RPL26L1: variants seen among roughly 807,000 people sequenced by gnomAD.
The protein encoded by RPL26L1 is ribosomal protein L26 like 1.
RPL26L1 carries 8 observed loss-of-function variants against 15.2 expected under a neutral mutation model. The observed-to-expected ratio is 0.53, with a 90% CI of 0.31 to 0.95. The LOEUF is 0.95. Ranked by LOEUF, RPL26L1 falls within the 40% of genes least tolerant of loss-of-function variation. The pLI, the probability that RPL26L1 is intolerant of heterozygous loss-of-function variation, is 0.05. For synonymous variants in RPL26L1, 51 were observed against 65.9 expected (o/e 0.77, Z 1.09); for missense variants, 146 against 190.9 (o/e 0.76, Z 1.39).
upstream of RPL26L1, chr5:172,956,105 A>C (rs1581599465): frequency 6.6e-6 from 1 of 152,348 alleles, no homozygotes; most frequent in Non-Finnish European, 1.5e-5. Flanking sequence ...ATGTAATTTT[A>C]ATTACACAAA....
rs1755165390 is a variant in RPL26L1 at position 172,959,997 on chromosome 5, T to G, written c.124T>G (p.Tyr42Asp). The G allele has an allele frequency of 1.2e-6, 2 of 1,614,146 alleles. No individual in the cohort carries two copies. Among genetic ancestry groups the G allele is most frequent in the East Asian group, 4.5e-5 (2 of 44,882 alleles). The change falls in exon 2 of 4, where the codon TAC (tyrosine) becomes GAC (aspartate). Residue 42 changes from tyrosine to aspartate, a missense_variant. By Grantham distance (160) the Tyr-to-Asp change is radical (BLOSUM62 -3). Transcript: ENST00000265100. ...GCTCTCCAAGGAGCTGCGGCAGAAG[T>G]ACAATGTCCGCTCCATGCCCATCCG... ...SPLSKELRQK[Y>D]NVRSMPIRKD...
chr5:172,965,913 A>G (rs771727123), intron 2 of RPL26L1, among the ~76,000 whole-genome samples: 7 of 152,076 alleles, frequency 4.6e-5, no homozygotes, highest in Non-Finnish European at 7.4e-5. Context: ...TTCCAAACTA[A>G]ACTATTTCCT....
upstream of RPL26L1, among the ~76,000 whole-genome samples, chr5:172,954,173 T>C (rs1305458222): frequency 6.6e-6 from 1 of 152,222 alleles, no homozygotes; most frequent in Non-Finnish European, 1.5e-5. Context: ...GAAATGAACC[T>C]AGTAAAACTA....
At chr5:172,957,346 A>G (rs1755008784), upstream of RPL26L1, 1 of 451,358 alleles carries the variant, frequency 2.2e-6, no homozygotes, top group Non-Finnish European at 4.5e-6. Context: ...ACAAAGCAAA[A>G]AGCCTTCCCT....
At chr5:172,960,558 CAG>C (rs1242106970) in intron 2 of RPL26L1, among the ~76,000 whole-genome samples, 1 of 151,904 alleles carries the variant, frequency 6.6e-6, no homozygotes, top group African/African-American at 2.4e-5. Flanking sequence ...GATTGATGGA[CAG>C]AGATTTGTGG....
At chr5:172,958,355 G>A (rs1400082564), upstream of RPL26L1, 10 of 455,832 alleles carry the variant, frequency 2.2e-5, no homozygotes, top group African/African-American at 1.6e-4. Context: ...TAAACTAAGA[G>A]AGAGCACGGG....
Position 172,966,300 on chromosome 5 carries a change from T to C in RPL26L1, c.169-2159T>C, listed in dbSNP as rs1755447056. ...CTGGGATCATAGGCGCATGCCACCA[T>C]GTCTGGCTAACTATTTTTTTTTTTT... On this transcript the variant is annotated intron_variant, in intron 2 of 3. Transcript: ENST00000265100. Among the ~76,000 whole-genome samples the C allele has an allele frequency of 2.0e-5, 3 of 148,834 alleles. No homozygotes were observed. The South Asian group carries it at 6.4e-4, about 32-fold the overall frequency.
intron 2 of RPL26L1, among the ~76,000 whole-genome samples, chr5:172,960,748 G>A (rs925581398): frequency 8.9e-5 from 13 of 145,904 alleles, no homozygotes; most frequent in Admixed American, 6.6e-4. Flanking sequence ...AGTGAAATAA[G>A]CAGGGGCTAG....
At chr5:172,960,225 A>G (rs770470661) in intron 2 of RPL26L1, among the ~76,000 whole-genome samples, 184 bp downstream of exon 2, 5 of 152,354 alleles carry the variant, frequency 3.3e-5, no homozygotes, top group Middle Eastern at 3.4e-3. Flanking sequence ...GCATTTAATT[A>G]TTTAATAGTA....
Position 172,959,873 on chromosome 5 carries a change from C to G in RPL26L1, c.-1C>G, listed in dbSNP as rs904315504. ...CTCTCCGCCCTTTGTAGAGGGTCAC[C>G]ATGAAGTTCAATCCCTTCGTTACCT... On this transcript the variant is annotated 5_prime_UTR_variant, in exon 2 of 4. Coordinates refer to ENST00000265100, the MANE Select transcript of RPL26L1 (RefSeq NM_016093.4). The G allele has an allele frequency of 3.1e-6, 5 of 1,613,980 alleles. No individual in the cohort carries two copies. Among genetic ancestry groups the G allele is most frequent in the Non-Finnish European group, 4.2e-6 (5 of 1,180,000 alleles).
At chr5:172,957,628 T>C (rs1217722832), upstream of RPL26L1, 3 of 243,226 alleles carry the variant, frequency 1.2e-5, no homozygotes, top group Non-Finnish European at 2.5e-5. Flanking sequence ...AGTGAGTGAA[T>C]GAATGAGTGA....
chr5:172,960,119 C>T lies in RPL26L1; in HGVS notation c.168+78C>T, dbSNP rs546888227. 10 of 1,537,066 alleles carry T rather than the reference C, an allele frequency of 6.5e-6. No homozygotes were observed. In the East Asian group the frequency reaches 1.3e-4, roughly 21 times the overall value. On this transcript the variant is annotated intron_variant, in intron 2 of 3. Transcript: ENST00000265100. The stretch of plus-strand genomic sequence containing the variant: ...CATGCGTGGAGCAGTCACAGACTCA[C>T]ATGCCTCAGGACTCTGGAAAGTAGT...
intron 2 of RPL26L1, among the ~76,000 whole-genome samples, chr5:172,965,497 C>T (rs1755418379): frequency 6.6e-6 from 1 of 152,194 alleles, no homozygotes; most frequent in Admixed American, 6.6e-5. Flanking sequence ...TCACCTGGTA[C>T]ACTCATCACT....
Position 172,964,281 on chromosome 5 carries a change from C to CCTTTTTTTTTTTTT in RPL26L1, c.169-4178_169-4177insCTTTTTTTTTTTTT, listed in dbSNP as rs1402885653. Among the ~76,000 whole-genome samples the CCTTTTTTTTTTTTT allele has an allele frequency of 1.0e-3, 104 of 99,234 alleles. 27 individuals carry two copies. Among genetic ancestry groups the CCTTTTTTTTTTTTT allele is most frequent in the South Asian group, 1.6e-3 (5 of 3,154 alleles). The allele number at this position is 99,234 out of a possible 152,430, so 65.1% of individuals were successfully genotyped here. On this transcript the variant is annotated intron_variant, in intron 2 of 3. Coordinates refer to ENST00000265100, the MANE Select transcript of RPL26L1 (RefSeq NM_016093.4). ...TGAGCCACAGTGTCTGGCCTGTTGC[C>CCTTTTTTTTTTTTT]TTTTTTTTTTTTTTTTTTTTTGAGA... is the stretch of plus-strand genomic sequence containing the variant.
chr5:172,961,610 C>G (rs1267868275), intron 2 of RPL26L1, among the ~76,000 whole-genome samples: 1 of 152,226 alleles, frequency 6.6e-6, no homozygotes, highest in Non-Finnish European at 1.5e-5. Context: ...AGTCTATTCC[C>G]TGTCCCCACT....
At chr5:172,954,654 G>A (rs367823365), upstream of RPL26L1, 62 of 261,858 alleles carry the variant, frequency 2.4e-4, no homozygotes, top group East Asian at 3.2e-3. Context: ...GACAGAGAAC[G>A]GAACAACTGA....
chr5:172,968,666 G>A, intron 3 of RPL26L1, 67 bp downstream of exon 3: 1 of 1,594,394 alleles, frequency 6.3e-7, no homozygotes, highest in Admixed American at 1.7e-5. Context: ...AGTTATTGGT[G>A]TTTTGGTACT....
At chr5:172,959,563 C>T (rs985641270) in intron 1 of RPL26L1, 95 bp downstream of exon 1, 33 of 1,187,788 alleles carry the variant, frequency 2.8e-5, no homozygotes, top group Non-Finnish European at 3.4e-5. Context: ...CCCCACAGCT[C>T]TCTTTGAGTG....
chr5:172,958,888 G>C (rs985323914), upstream of RPL26L1: 1 of 154,650 alleles, frequency 6.5e-6, no homozygotes, highest in Non-Finnish European at 1.4e-5. Flanking sequence ...CCACAAACCC[G>C]CAGGCACGCC....
Sources: gnomAD v4.1 joint callset for allele counts (sites outside exome capture counted in the v4.1 genomes callset) on GRCh38, gnomAD v4.1.1 for gene constraint, MANE v1.5 for transcripts, NCBI Gene and HGNC (gene_info 2026-07-23, HGNC 2026-07-21) for gene names.